Variants in DYRK4 observed in about 807,000 individuals in gnomAD.
The protein encoded by DYRK4 is dual specificity tyrosine-phosphorylation-regulated kinase 4.
In DYRK4, 64 loss-of-function variants were observed where a neutral mutation model predicts 68.3. The observed-to-expected ratio is 0.94, with a 90% CI of 0.77 to 1.15. DYRK4 has a LOEUF of 1.15. Among genes scored for constraint, DYRK4 ranks in the 50% most tolerant of loss-of-function variants. The pLI is 0.00. For missense variants in DYRK4, 740 were observed against 764.7 expected (o/e 0.97, Z 0.38); for synonymous variants, 274 against 289.9 (o/e 0.95, Z 0.56).
chr12:4,567,791 C>T (rs751905094), intron 1 of DYRK4, among the ~76,000 whole-genome samples, 164 bp from the exon 2 acceptor site: 48 of 152,176 alleles, frequency 3.2e-4, no homozygotes, highest in Non-Finnish European at 6.0e-4. Context: ...CCTCATGTGA[C>T]CATCAGAAGG....
At position 4,568,046 on chromosome 12, in the gene DYRK4, A is replaced by G. The variant is rs1448622518; in HGVS notation, c.130A>G (p.Lys44Glu). The G allele has an allele frequency of 6.5e-7, 1 of 1,535,990 alleles. No individual in the cohort carries two copies. The highest frequency in any genetic ancestry group is 2.4e-5 in the East Asian group (1 of 40,918). Reference protein sequence around the residue: ...ARKKQKFTSAKVGSKLSVQIQ... With the variant: ...ARKKQKFTSAEVGSKLSVQIQ... ...AAAGAAACAAAAGTTCACCTCTGCGAAGGTAAAGATCCTTGAATTTTCACT... is the reference window on the plus strand; with the variant it reads ...AAAGAAACAAAAGTTCACCTCTGCGGAGGTAAAGATCCTTGAATTTTCACT... Residue 44 changes from lysine to glutamate, a missense_variant and splice_region_variant, in exon 2 of 15, where the codon AAG becomes GAG. This residue lies in a region of DYRK4 where 70 missense variants were observed against 71.1 expected (regional missense o/e 0.98). Coordinates refer to ENST00000543431, the MANE Select transcript of DYRK4 (RefSeq NM_001394779.1).
At chr12:4,580,006 T>C (rs762300471) in intron 2 of DYRK4, among the ~76,000 whole-genome samples, 130 of 152,326 alleles carry the variant, frequency 8.5e-4, no homozygotes, top group Middle Eastern at 3.4e-3. Context: ...ACTTGGATAA[T>C]GTTTGCCTCC....
chr12:4,562,811 C>T (rs1004863006), intron 1 of DYRK4, among the ~76,000 whole-genome samples: 2 of 151,848 alleles, frequency 1.3e-5, no homozygotes, highest in African/African-American at 4.9e-5. Context: ...GACACAAAAG[C>T]GCGCGAAGGT....
chr12:4,602,115 GA>G, intron 10 of DYRK4: 1 of 549,438 alleles, frequency 1.8e-6, no homozygotes, highest in Non-Finnish European at 3.3e-6. Flanking sequence ...TTCATAGGCT[GA>G]TATCCAGACT....
rs907355194 is a variant in DYRK4, at chr12:4,596,495, G to T, written c.765-94G>T. ...TTCCTGCCACTAGACAGTCTTGTTGGGGTCATGGGGAGGGGCTGACTGCTG... is the reference window on the plus strand; with the variant it reads ...TTCCTGCCACTAGACAGTCTTGTTGTGGTCATGGGGAGGGGCTGACTGCTG... On this transcript the variant is annotated intron_variant, in intron 7 of 14. Coordinates refer to ENST00000543431, the MANE Select transcript of DYRK4 (RefSeq NM_001394779.1). 4 of 1,529,068 alleles carry T rather than the reference G, an allele frequency of 2.6e-6. No individual in the cohort carries two copies. The East Asian group carries it at 9.3e-5, about 36-fold the overall frequency. 94.7% of individuals were successfully genotyped at this position (1,529,068 alleles called of 1,614,324 possible).
At chr12:4,579,387 C>G (rs1175384530) in intron 2 of DYRK4, among the ~76,000 whole-genome samples, 2 of 152,160 alleles carry the variant, frequency 1.3e-5, no homozygotes, top group Non-Finnish European at 2.9e-5. Flanking sequence ...CAGGTAGAAA[C>G]AGTTCTCTGA....
chr12:4,580,653 C>G (rs1160310921), intron 2 of DYRK4, among the ~76,000 whole-genome samples: 9 of 152,178 alleles, frequency 5.9e-5, no homozygotes, highest in Admixed American at 5.2e-4. Flanking sequence ...GGTCACACCC[C>G]CTCCCTGCAT....
At chr12:4,593,397 ATAGTTGGGG>A (rs1439906767) in intron 6 of DYRK4, among the ~76,000 whole-genome samples, 2 of 152,160 alleles carry the variant, frequency 1.3e-5, no homozygotes, top group African/African-American at 4.8e-5. Flanking sequence ...TCCCCCAAGC[ATAGTTGGGG>A]TAGCCGGTTT....
intron 6 of DYRK4, among the ~76,000 whole-genome samples, chr12:4,595,543 A>G (rs1011004660): frequency 1.3e-5 from 2 of 152,182 alleles, no homozygotes; most frequent in African/African-American, 4.8e-5. Context: ...GGCTCTTGAA[A>G]TATTTCTCTT....
At position 4,591,554 on chromosome 12, in the gene DYRK4, A is replaced by T. The variant is rs1944955053; in HGVS notation, c.463+256A>T. On this transcript the variant is annotated intron_variant, in intron 5 of 14. Transcript: ENST00000543431. The surrounding 1 kb of genome is among the most constrained non-coding windows in gnomAD (Gnocchi z 4.1). ...GGATGTACCAATGCAGACAGAAGGA[A>T]GTGTCTCATTTGCCTAAGGAGCCCA... 2.4e-5 allele frequency: 11 copies of T among 450,928 alleles called. No homozygotes were observed. In the South Asian group the frequency reaches 5.8e-4, roughly 24 times the overall value. The allele number at this position is 450,928 out of a possible 1,614,324, so 27.9% of individuals were successfully genotyped here.
chr12:4,572,911 G>A (rs1384566979), intron 2 of DYRK4: 1 of 206,126 alleles, frequency 4.9e-6, no homozygotes, highest in Non-Finnish European at 9.8e-6. Flanking sequence ...GATATCCGAC[G>A]GTCATTCATT....
intron 2 of DYRK4, chr12:4,580,894 G>A (rs1944835835): frequency 2.2e-6 from 1 of 455,828 alleles, no homozygotes; most frequent in South Asian, 1.5e-5. Context: ...GCGGGATGGT[G>A]TGATGGAGGT....
chr12:4,565,769 G>A (rs1055975243), intron 1 of DYRK4, among the ~76,000 whole-genome samples: 2 of 152,080 alleles, frequency 1.3e-5, no homozygotes, highest in African/African-American at 4.8e-5. Flanking sequence ...GGGATTACAG[G>A]CGTGAGGCAC....
intron 10 of DYRK4, among the ~76,000 whole-genome samples, chr12:4,603,691 A>C (rs1313880907): frequency 6.6e-6 from 1 of 152,216 alleles, no homozygotes; most frequent in East Asian, 1.9e-4. Context: ...TTGAGGACAT[A>C]AAACCTTTGT....
At chr12:4,599,270 C>CTTTTGTTT (rs375183364) in intron 9 of DYRK4, 104 bp downstream of exon 9, 18 of 461,112 alleles carry the variant, frequency 3.9e-5, no homozygotes, top group South Asian at 8.2e-5. Flanking sequence ...TTGCCTTTGA[C>CTTTTGTTT]TTTTTTTTTT....
intron 2 of DYRK4, among the ~76,000 whole-genome samples, chr12:4,586,532 G>A (rs1944898588): frequency 6.6e-6 from 1 of 152,066 alleles, no homozygotes; most frequent in African/African-American, 2.4e-5. Flanking sequence ...TGTTTTTATG[G>A]GGCACTGTGT....
intron 2 of DYRK4, among the ~76,000 whole-genome samples, chr12:4,574,224 TAAAA>T (rs58588899): frequency 8.2e-6 from 1 of 121,276 alleles, no homozygotes; most frequent in African/African-American, 3.2e-5. Flanking sequence ...GACTCCATCT[TAAAA>T]AAAAAAAAAA....
chr12:4,599,788 G>C lies in DYRK4; in HGVS notation c.1126G>C (p.Val376Leu). The C allele has an allele frequency of 6.2e-7, 1 of 1,613,564 alleles. No homozygotes were observed. Among genetic ancestry groups the C allele is most frequent in the South Asian group, 1.1e-5 (1 of 91,040 alleles). Residue 376 changes from valine (V) to leucine (L), a missense_variant and splice_region_variant, in exon 10 of 15, where the codon GTA becomes CTA. By Grantham distance (32) the Val-to-Leu change is conservative. This residue lies in a region of DYRK4 where 614 missense variants were observed against 603.7 expected (regional missense o/e 1.02). Coordinates refer to ENST00000543431, the MANE Select transcript of DYRK4 (RefSeq NM_001394779.1). Reference sequence around the variant, plus strand: ...ATCAAGCTGTTATGAACACCAGAAAGGTGAGCCCCATGTCAGTCCCATCAT... The same window carrying C: ...ATCAAGCTGTTATGAACACCAGAAACGTGAGCCCCATGTCAGTCCCATCAT... ...FGSSCYEHQKVYTYIQSRFYR... is the reference protein window; with the variant it reads ...FGSSCYEHQKLYTYIQSRFYR...
In DYRK4 at chr12:4,613,385, C is replaced by T. The variant is rs1945250899; in HGVS notation, c.1667-130C>T. 8.2e-7 allele frequency: 1 copy of T among 1,218,158 alleles called. No individual in the cohort carries two copies. The highest frequency in any genetic ancestry group is 1.5e-5 in the African/African-American group (1 of 65,372). The allele number at this position is 1,218,158 out of a possible 1,614,324, so 75.5% of individuals were successfully genotyped here. A position where few individuals can be genotyped will look rare whatever the true frequency, so the allele number is the denominator to read the frequency against. ...AATAATGCCCGGCACATTGGAGGTG[C>T]TTTACAAATGAACTGTTTTTATATC... is the stretch of plus-strand genomic sequence containing the variant. On this transcript the variant is annotated intron_variant, in intron 14 of 14. Coordinates refer to ENST00000543431, the MANE Select transcript of DYRK4 (RefSeq NM_001394779.1). The surrounding 1 kb of genome is among the most constrained non-coding windows in gnomAD (Gnocchi z 4.0).
Sources: gnomAD v4.1 joint callset for allele counts (sites outside exome capture counted in the v4.1 genomes callset) on GRCh38, gnomAD v4.1.1 for gene constraint, gnomAD v4.1.1 regional missense constraint, Gnocchi (gnomAD v3.1) non-coding constraint, MANE v1.5 for transcripts, NCBI Gene and HGNC (gene_info 2026-07-23, HGNC 2026-07-21) for gene names.